The following DYRK1A variants were observed in gnomAD, a reference collection of about 807,000 sequenced individuals.
DYRK1A encodes the protein dual specificity tyrosine-phosphorylation-regulated kinase 1A.
Under a neutral mutation model 79.7 loss-of-function variants are expected in DYRK1A, and 9 were observed. The ratio of observed to expected loss-of-function variants is 0.11; its 90% CI spans 0.07 to 0.20. The LOEUF (loss-of-function observed/expected upper bound fraction) is 0.20, where lower values mean the gene tolerates loss of function less well. Ranked by LOEUF, DYRK1A falls within the 10% of genes least tolerant of loss-of-function variation. The pLI is 1.00. For synonymous variants in DYRK1A, 349 were observed against 329.7 expected, an observed-to-expected ratio of 1.06 and a Z score of -0.63; for missense variants, 622 against 956.0, an observed-to-expected ratio of 0.65 and a Z score of 4.61.
chr21:37,498,072 A>G (rs981282798), intron 9 of DYRK1A, among the ~76,000 whole-genome samples: 8 of 152,146 alleles, frequency 5.3e-5, no homozygotes, highest in African/African-American at 9.7e-5. Flanking sequence ...TTCATTGGCT[A>G]TCTCTTTGTG....
At chr21:37,392,250 A>ACTCAT (rs2049884326) in intron 1 of DYRK1A, among the ~76,000 whole-genome samples, 1 of 152,168 alleles carries the variant, frequency 6.6e-6, no homozygotes, top group Non-Finnish European at 1.5e-5. Context: ...AACCTGACGT[A>ACTCAT]CTCATCTCAG....
chr21:37,397,999 G>A (rs544032702), intron 1 of DYRK1A, among the ~76,000 whole-genome samples: 1 of 151,198 alleles, frequency 6.6e-6, no homozygotes, highest in Admixed American at 6.6e-5. Flanking sequence ...GCAAACTTTG[G>A]GGGGCTGAGG....
rs1240777082 is a variant in DYRK1A, at chr21:37,522,471, C to G, written c.*9940C>G. 1.3e-5 allele frequency: 2 copies of G among 152,236 alleles called. No homozygotes were observed. The highest frequency in any genetic ancestry group is 2.9e-5 in the Non-Finnish European group (2 of 68,062). 9.4% of individuals were successfully genotyped at this position (152,236 alleles called of 1,614,324 possible). On this transcript the variant is annotated 3_prime_UTR_variant, in exon 12 of 12. Coordinates refer to ENST00000647188, the MANE Select transcript of DYRK1A (RefSeq NM_001347721.2). ...GACCTTGACTTTCGAGATCACATAC[C>G]AAGACCTTCAGCTGGATGGTCCCTG...
rs2053939847 is a variant in DYRK1A, at chr21:37,522,252, C to T, written c.*9721C>T. The T allele has an allele frequency of 6.6e-6, 1 of 152,210 alleles. No individual in the cohort carries two copies. Among genetic ancestry groups the T allele is most frequent in the African/African-American group, 2.4e-5 (1 of 41,446 alleles). 9.4% of individuals were successfully genotyped at this position (152,210 alleles called of 1,614,324 possible). A position where few individuals can be genotyped will look rare whatever the true frequency, so the allele number is the denominator to read the frequency against. On this transcript the variant is annotated 3_prime_UTR_variant, in exon 12 of 12. Transcript: ENST00000647188. Reference sequence around the variant, plus strand: ...CAATGCAAAATCTCAGGCCCCAGCCCAGACCACTGGATGAGAATCTGCATT... The same window carrying T: ...CAATGCAAAATCTCAGGCCCCAGCCTAGACCACTGGATGAGAATCTGCATT...
At chr21:37,486,828 A>G (rs2052887533) in intron 6 of DYRK1A, 3 of 387,228 alleles carry the variant, frequency 7.7e-6, no homozygotes, top group Admixed American at 4.6e-5. Flanking sequence ...CATACCATGT[A>G]GAAACAAATG....
At chr21:37,368,554 T>C (rs907809503) in intron 1 of DYRK1A, among the ~76,000 whole-genome samples, 57 of 152,342 alleles carry the variant, frequency 3.7e-4, no homozygotes, top group African/African-American at 1.3e-3. Context: ...ATTTGGTTCT[T>C]GAATTCCGCC....
At chr21:37,461,470 T>C (rs2051835231) in intron 2 of DYRK1A, among the ~76,000 whole-genome samples, 1 of 152,180 alleles carries the variant, frequency 6.6e-6, no homozygotes, top group Non-Finnish European at 1.5e-5. Context: ...CATATTTACA[T>C]TTCTGGTGCT....
At chr21:37,425,776 A>G (rs1375463350) in intron 2 of DYRK1A, 1 of 152,234 alleles carries the variant, frequency 6.6e-6, no homozygotes, top group African/African-American at 2.4e-5. Flanking sequence ...ACTGACTCAC[A>G]TACAAGTAAG....
rs1161722002 is a variant in DYRK1A at position 37,525,196 on chromosome 21, A to G, written c.*12665A>G. On this transcript the variant is annotated 3_prime_UTR_variant, in exon 12 of 12. Transcript: ENST00000647188. ...GGTAGTGGAAATATATGTGTGTATTAGTCCATTTTCATACTGCTATAAAGA... is the reference window on the plus strand; with the variant it reads ...GGTAGTGGAAATATATGTGTGTATTGGTCCATTTTCATACTGCTATAAAGA... 1.3e-5 allele frequency: 2 copies of G among 152,280 alleles called. No individual in the cohort carries two copies. Among genetic ancestry groups the G allele is most frequent in the East Asian group, 3.8e-4 (2 of 5,206 alleles). The allele number at this position is 152,280 out of a possible 1,614,324, so 9.4% of individuals were successfully genotyped here.
chr21:37,525,967 G>C lies in DYRK1A; in HGVS notation c.*13436G>C, dbSNP rs1412410150. ...CTGCAGACTTGATAGTGTTTCTTAA[G>C]GAATTCAGCCTAAACCACAAGATAA... On this transcript the variant is annotated 3_prime_UTR_variant, in exon 12 of 12. Coordinates refer to ENST00000647188, the MANE Select transcript of DYRK1A (RefSeq NM_001347721.2). 2.0e-5 allele frequency: 3 copies of C among 152,272 alleles called. No homozygotes were observed. The highest frequency in any genetic ancestry group is 2.1e-4 in the South Asian group (1 of 4,820). 9.4% of individuals were successfully genotyped at this position (152,272 alleles called of 1,614,324 possible). A position where few individuals can be genotyped will look rare whatever the true frequency, so the allele number is the denominator to read the frequency against.
chr21:37,452,579 A>G (rs1207773998), intron 2 of DYRK1A, among the ~76,000 whole-genome samples: 1 of 152,146 alleles, frequency 6.6e-6, no homozygotes, highest in Non-Finnish European at 1.5e-5. Context: ...AGTGCTCCAG[A>G]CAGCCACTGC....
chr21:37,395,642 C>T (rs1211939220), intron 1 of DYRK1A, among the ~76,000 whole-genome samples: 2 of 152,194 alleles, frequency 1.3e-5, no homozygotes, highest in African/African-American at 4.8e-5. Flanking sequence ...AAGAATTACT[C>T]TGGCATAGTA....
chr21:37,506,521 C>T lies in DYRK1A; in HGVS notation c.1644+298C>T, dbSNP rs546208479. Among the ~76,000 whole-genome samples, 71 of 152,238 alleles carry T rather than the reference C, an allele frequency of 4.7e-4. 2 individuals are homozygous for T. In the South Asian group the frequency reaches 0.014, roughly 30 times the overall value. Reference sequence around the variant, plus strand: ...TTGAGCCTCATGCTTTTTTGATTCCCATTTTACAGTGGAAACTGAGACTTC... The same window carrying T: ...TTGAGCCTCATGCTTTTTTGATTCCTATTTTACAGTGGAAACTGAGACTTC... On this transcript the variant is annotated intron_variant, in intron 11 of 11. Coordinates refer to ENST00000647188, the MANE Select transcript of DYRK1A (RefSeq NM_001347721.2).
rs35722688 is a variant in DYRK1A at position 37,513,012 on chromosome 21, T to G, written c.*481T>G. On this transcript the variant is annotated 3_prime_UTR_variant, in exon 12 of 12. Coordinates refer to ENST00000647188, the MANE Select transcript of DYRK1A (RefSeq NM_001347721.2). ...TGGGTGGGAGGGTGGGAAATTTGGG[T>G]TTTTAAGTCCTCTAAACACACTTGG... 3 of 158,396 alleles carry G rather than the reference T, an allele frequency of 1.9e-5. No individual in the cohort carries two copies. Among genetic ancestry groups the G allele is most frequent in the Admixed American group, 6.0e-5 (1 of 16,584 alleles). 9.8% of individuals were successfully genotyped at this position (158,396 alleles called of 1,614,324 possible).
At chr21:37,365,893 G>C (rs1406817402), upstream of DYRK1A, 1 of 152,198 alleles carries the variant, frequency 6.6e-6, no homozygotes, top group African/African-American at 2.4e-5. Flanking sequence ...GCCTGAAAAA[G>C]TTTTCATGAT....
intron 1 of DYRK1A, among the ~76,000 whole-genome samples, chr21:37,372,351 G>A (rs139222920): frequency 6.6e-6 from 1 of 152,076 alleles, no homozygotes; most frequent in East Asian, 1.9e-4. Context: ...AGGAGACTGA[G>A]GTGGGAGGAT....
At chr21:37,496,725 G>A (rs1005171749) in intron 9 of DYRK1A, among the ~76,000 whole-genome samples, 1 of 151,848 alleles carries the variant, frequency 6.6e-6, no homozygotes, top group Non-Finnish European at 1.5e-5. Flanking sequence ...TTTTTTCCAA[G>A]GATATTAACT....
intron 2 of DYRK1A, among the ~76,000 whole-genome samples, chr21:37,443,082 T>A (rs1302330587): frequency 2.0e-5 from 3 of 151,984 alleles, no homozygotes; most frequent in Non-Finnish European, 2.9e-5. Flanking sequence ...CCTTGGCCTC[T>A]CAAAGTGCTG....
chr21:37,446,847 T>G (rs2051288850), intron 2 of DYRK1A, among the ~76,000 whole-genome samples: 1 of 152,212 alleles, frequency 6.6e-6, no homozygotes, highest in Non-Finnish European at 1.5e-5. Context: ...CCCCACCTTG[T>G]GGCGGTGGAA....
Sources: gnomAD v4.1 joint callset for allele counts (sites outside exome capture counted in the v4.1 genomes callset) on GRCh38, gnomAD v4.1.1 for gene constraint, MANE v1.5 for transcripts, NCBI Gene and HGNC (gene_info 2026-07-23, HGNC 2026-07-21) for gene names.